KPNA7: variants seen among roughly 807,000 people sequenced by gnomAD.
The protein encoded by KPNA7 is importin subunit alpha-8.
A neutral mutation model predicts 53.7 loss-of-function variants in KPNA7; 54 were observed. That is an observed-to-expected ratio of 1.01 (90% CI 0.81 to 1.26). The LOEUF (loss-of-function observed/expected upper bound fraction) is 1.26. Ranked by LOEUF, KPNA7 falls within the 50% of genes most tolerant of loss-of-function variation. The pLI is 0.00. For synonymous variants in KPNA7, 276 were observed against 259.3 expected (o/e 1.06, Z -0.62); for missense variants, 640 against 644.5 (o/e 0.99, Z 0.07).
At chr7:99,186,515 G>A (rs1789600810) in intron 7 of KPNA7, among the ~76,000 whole-genome samples, 1 of 152,178 alleles carries the variant, frequency 6.6e-6, no homozygotes, top group Non-Finnish European at 1.5e-5. Context: ...GGCCGAGGCG[G>A]ATGGATCACT....
chr7:99,203,825 C>T (rs1323575880), intron 2 of KPNA7, among the ~76,000 whole-genome samples: 1 of 152,146 alleles, frequency 6.6e-6, no homozygotes, highest in Non-Finnish European at 1.5e-5. Context: ...ATTCTTGTGC[C>T]TCAGCCTCCC....
chr7:99,150,431 T>TTTTTTTTTTTTTG, the KPNA7 span, among the ~76,000 whole-genome samples: 1 of 150,430 alleles, frequency 6.6e-6, no homozygotes, highest in Admixed American at 6.6e-5. Context: ...CTCTTTTTTT[T>TTTTTTTTTTTTTG]GAGACGGAGT....
At chr7:99,165,296 C>A in the KPNA7 span, among the ~76,000 whole-genome samples, 1,701 of 95,130 alleles carry the variant, frequency 0.018, 31 homozygotes, top group African/African-American at 0.058. Context: ...CGAGGCCTTG[C>A]CTTTTTAAAA....
chr7:99,211,330 G>A (rs945388568), upstream of KPNA7, among the ~76,000 whole-genome samples: 1 of 152,330 alleles, frequency 6.6e-6, no homozygotes, highest in Admixed American at 6.5e-5. Flanking sequence ...GCCGAGGCAG[G>A]AGAATCGCTT....
At chr7:99,193,938 A>T (rs1368045508) in intron 5 of KPNA7, among the ~76,000 whole-genome samples, 1 of 152,080 alleles carries the variant, frequency 6.6e-6, no homozygotes, top group Non-Finnish European at 1.5e-5. Context: ...TCTGCCTCCT[A>T]AAGTGCTGAG....
intron 2 of KPNA7, among the ~76,000 whole-genome samples, chr7:99,206,768 C>A (rs1331124873): frequency 6.6e-6 from 1 of 152,156 alleles, no homozygotes; most frequent in Non-Finnish European, 1.5e-5. Flanking sequence ...CCATGCCCAG[C>A]TAAGCAGCCC....
At chr7:99,199,179 T>A (rs1452078736) in intron 3 of KPNA7, among the ~76,000 whole-genome samples, 1 of 148,464 alleles carries the variant, frequency 6.7e-6, no homozygotes, top group Non-Finnish European at 1.5e-5. Flanking sequence ...ATTCAATGAC[T>A]CCATTCTATA....
Position 99,193,069 on chromosome 7 carries a change from T to C in KPNA7, c.586A>G (p.Thr196Ala). 6.6e-7 allele frequency: 1 copy of C among 1,510,806 alleles called. No homozygotes were observed. Among genetic ancestry groups the C allele is most frequent in the Non-Finnish European group, 8.8e-7 (1 of 1,131,528 alleles). 93.6% of individuals were successfully genotyped at this position (1,510,806 alleles called of 1,614,324 possible). Reference protein sequence around the residue: ...DGPEFRDNVITSNAIPHLLAL... With the variant: ...DGPEFRDNVIASNAIPHLLAL... ...AGGAGATGTGGGATGGCATTGCTTGTGATGACGTTATCTCTGAACTCTGGG... is the reference window on the plus strand; with the variant it reads ...AGGAGATGTGGGATGGCATTGCTTGCGATGACGTTATCTCTGAACTCTGGG... Residue 196 changes from threonine to alanine, a missense_variant, in exon 6 of 11, where the codon ACA becomes GCA. Transcript: ENST00000327442.
At chr7:99,218,508 G>A (rs1359499554) in intron 1 of KPNA7, among the ~76,000 whole-genome samples, 9 of 152,196 alleles carry the variant, frequency 5.9e-5, no homozygotes, top group South Asian at 2.1e-4. Context: ...TGGCAAGGCC[G>A]AGGACATGGG....
chr7:99,189,485 TA>T (rs1789822566), intron 6 of KPNA7, among the ~76,000 whole-genome samples: 1 of 152,064 alleles, frequency 6.6e-6, no homozygotes, highest in Non-Finnish European at 1.5e-5. Flanking sequence ...CTCCCACCAG[TA>T]AGGAAACATA....
chr7:99,199,372 C>T (rs1790396153), intron 3 of KPNA7, among the ~76,000 whole-genome samples: 1 of 152,112 alleles, frequency 6.6e-6, no homozygotes, highest in Non-Finnish European at 1.5e-5. Context: ...AGTAATCAAA[C>T]CTTTGTTTGA....
At chr7:99,177,302 G>A (rs1004375172) in intron 10 of KPNA7, among the ~76,000 whole-genome samples, 1 of 152,116 alleles carries the variant, frequency 6.6e-6, no homozygotes, top group Non-Finnish European at 1.5e-5. Context: ...GAGACGGGCC[G>A]GGTGTGGTGG....
chr7:99,146,643 C>T, the KPNA7 span, among the ~76,000 whole-genome samples: 1 of 135,464 alleles, frequency 7.4e-6, no homozygotes, highest in Non-Finnish European at 1.5e-5. Flanking sequence ...ACTCGGGAGG[C>T]AGAGGTTGCA....
chr7:99,198,120 T>C (rs1429681381), intron 3 of KPNA7, among the ~76,000 whole-genome samples: 1 of 152,090 alleles, frequency 6.6e-6, no homozygotes, highest in Non-Finnish European at 1.5e-5. Context: ...GATTAACAGC[T>C]GATTTCTTAT....
the KPNA7 span, among the ~76,000 whole-genome samples, chr7:99,146,993 A>G: frequency 3.3e-5 from 5 of 152,204 alleles, no homozygotes; most frequent in African/African-American, 9.7e-5. Context: ...TCAAACCGTC[A>G]TAAACTGGGA....
At chr7:99,204,515 A>G (rs12705038) in intron 2 of KPNA7, among the ~76,000 whole-genome samples, 12,050 of 152,256 alleles carry the variant, frequency 0.079, 504 homozygotes, top group South Asian at 0.15. Flanking sequence ...CATTTCAGGA[A>G]CAATTATAAA....
At chr7:99,167,526 C>A in the KPNA7 span, among the ~76,000 whole-genome samples, 37 of 151,152 alleles carry the variant, frequency 2.4e-4, no homozygotes, top group African/African-American at 9.0e-4. Context: ...AACCTTGGCT[C>A]ACTGCAACCT....
the KPNA7 span, among the ~76,000 whole-genome samples, chr7:99,148,808 G>A: frequency 6.9e-6 from 1 of 145,544 alleles, no homozygotes; most frequent in South Asian, 2.2e-4. Flanking sequence ...TGTCGGCCAG[G>A]CTAGTCGCCT....
chr7:99,146,335 A>T, the KPNA7 span, among the ~76,000 whole-genome samples: 1 of 152,168 alleles, frequency 6.6e-6, no homozygotes, highest in African/African-American at 2.4e-5. Context: ...CATTTTGTTC[A>T]TTCATTAACA....
Sources: gnomAD v4.1 joint callset for allele counts (sites outside exome capture counted in the v4.1 genomes callset) on GRCh38, gnomAD v4.1.1 for gene constraint, MANE v1.5 for transcripts, NCBI Gene and HGNC (gene_info 2026-07-23, HGNC 2026-07-21) for gene names.